KHDRBS3: variants seen among roughly 807,000 people sequenced by gnomAD.
KHDRBS3 encodes KH RNA binding domain containing, signal transduction associated 3.
Under a neutral mutation model 45.6 loss-of-function variants are expected in KHDRBS3, and 23 were observed. That is an observed-to-expected ratio of 0.50 (90% CI 0.36 to 0.72). The LOEUF (loss-of-function observed/expected upper bound fraction) is 0.72, where lower values mean the gene tolerates loss of function less well. Among genes scored for constraint, KHDRBS3 ranks in the 30% least tolerant of loss-of-function variants. The probability of loss-of-function intolerance (pLI) is 0.00; values close to 1 mark genes in which losing one functional copy is unlikely to be tolerated. For missense variants in KHDRBS3, 352 were observed against 424.8 expected (o/e 0.83, Z 1.51); for synonymous variants, 162 against 156.5 (o/e 1.04, Z -0.26).
At chr8:135,646,825 G>T (rs1017024252) in intron 8 of KHDRBS3, among the ~76,000 whole-genome samples, 168 bp from the exon 9 acceptor site, 4 of 152,120 alleles carry the variant, frequency 2.6e-5, no homozygotes, top group Admixed American at 2.6e-4. Context: ...CCTTGTGTTT[G>T]TAATTTATTT....
At chr8:135,573,888 C>T (rs1018134436) in intron 5 of KHDRBS3, among the ~76,000 whole-genome samples, 1 of 152,132 alleles carries the variant, frequency 6.6e-6, no homozygotes, top group African/African-American at 2.4e-5. Flanking sequence ...TGTAGACCAT[C>T]CATTAATCTG....
At chr8:135,559,140 G>A (rs1202700111) in intron 5 of KHDRBS3, among the ~76,000 whole-genome samples, 2 of 151,134 alleles carry the variant, frequency 1.3e-5, no homozygotes, top group Admixed American at 6.6e-5. Context: ...TTCTAGATAA[G>A]GTAATGTAAC....
chr8:135,607,994 T>C (rs530282503), intron 7 of KHDRBS3, among the ~76,000 whole-genome samples: 4 of 152,334 alleles, frequency 2.6e-5, no homozygotes, highest in African/African-American at 9.6e-5. Flanking sequence ...CTGGTCTTTG[T>C]TGGTGGAAGC....
chr8:135,524,980 A>G (rs1825107219), intron 2 of KHDRBS3, among the ~76,000 whole-genome samples: 1 of 152,070 alleles, frequency 6.6e-6, no homozygotes, highest in African/African-American at 2.4e-5. Context: ...ATCTCTGTCT[A>G]CTAATTTCTA....
intron 6 of KHDRBS3, among the ~76,000 whole-genome samples, chr8:135,584,527 A>G (rs1312492520): frequency 6.6e-6 from 1 of 152,226 alleles, no homozygotes; most frequent in Non-Finnish European, 1.5e-5. Flanking sequence ...TTTTAAGATT[A>G]CTAGTCAAGA....
At chr8:135,610,487 G>A (rs757681600) in intron 7 of KHDRBS3, among the ~76,000 whole-genome samples, 1 of 151,684 alleles carries the variant, frequency 6.6e-6, no homozygotes, top group Non-Finnish European at 1.5e-5. Context: ...TTTTGTGCTA[G>A]GCATTATGCT....
chr8:135,561,565 C>T (rs775929262), intron 5 of KHDRBS3, among the ~76,000 whole-genome samples: 1 of 150,710 alleles, frequency 6.6e-6, no homozygotes, highest in East Asian at 1.9e-4. Context: ...CATTCCCTTA[C>T]TGTAGTTCTC....
chr8:135,467,204 T>C (rs113831250), intron 1 of KHDRBS3, among the ~76,000 whole-genome samples: 99 of 152,266 alleles, frequency 6.5e-4, no homozygotes, highest in Non-Finnish European at 1.5e-4. Context: ...ATTTTTAACA[T>C]AGAATATATT....
chr8:135,564,619 GTC>G (rs1827316255), intron 5 of KHDRBS3, among the ~76,000 whole-genome samples: 1 of 152,136 alleles, frequency 6.6e-6, no homozygotes, highest in Non-Finnish European at 1.5e-5. Context: ...TACAGGCTGA[GTC>G]TCTGCTCATT....
intron 6 of KHDRBS3, among the ~76,000 whole-genome samples, chr8:135,601,064 A>G (rs867764318): frequency 3.5e-4 from 54 of 152,338 alleles, no homozygotes; most frequent in African/African-American, 1.2e-3. Flanking sequence ...ACTTTTGATC[A>G]TCTGATGAAT....
intron 5 of KHDRBS3, among the ~76,000 whole-genome samples, chr8:135,568,215 T>A (rs1287708951): frequency 6.6e-6 from 1 of 152,210 alleles, no homozygotes; most frequent in East Asian, 1.9e-4. Context: ...TTCTTTAAAA[T>A]TTTCAAAGCC....
intron 1 of KHDRBS3, among the ~76,000 whole-genome samples, chr8:135,482,449 G>T (rs973509737): frequency 1.3e-5 from 2 of 152,122 alleles, no homozygotes; most frequent in African/African-American, 4.8e-5. Context: ...GGTAGAATGA[G>T]CTCTTGGTTA....
intron 1 of KHDRBS3, among the ~76,000 whole-genome samples, chr8:135,512,927 T>C (rs191707491): frequency 6.6e-6 from 1 of 152,268 alleles, no homozygotes; most frequent in East Asian, 1.9e-4. Context: ...AATTAAGAGC[T>C]GGAGGCTAGG....
rs984945507 is a variant in KHDRBS3, at chr8:135,642,233, T to G, written c.891-2826T>G. On this transcript the variant is annotated intron_variant, in intron 7 of 8. Coordinates refer to ENST00000355849, the MANE Select transcript of KHDRBS3 (RefSeq NM_006558.3). ...ACCCGTGGTGAGCAAAAGCCACCTG[T>G]AGCATTTGTGTTCAGCACATAGCAG... Among the ~76,000 whole-genome samples, 13 of 152,382 alleles carry G rather than the reference T, an allele frequency of 8.5e-5. No individual in the cohort carries two copies. The East Asian group carries it at 2.5e-3, about 29-fold the overall frequency.
chr8:135,595,789 T>G (rs1828946024), intron 6 of KHDRBS3, among the ~76,000 whole-genome samples: 1 of 152,152 alleles, frequency 6.6e-6, no homozygotes, highest in Non-Finnish European at 1.5e-5. Context: ...CATGACTGAT[T>G]GAACGCTCAC....
chr8:135,490,509 C>T (rs1275160185), intron 1 of KHDRBS3, among the ~76,000 whole-genome samples: 8 of 152,054 alleles, frequency 5.3e-5, no homozygotes, highest in Admixed American at 2.6e-4. Flanking sequence ...AGTTTTTGTC[C>T]TCAAGTTTAA....
At position 135,582,137 on chromosome 8, in the gene KHDRBS3, G is replaced by T; in HGVS notation, c.807+64G>T. ...TTGACTTAATCCAGACTTAGCACTG[G>T]ATATTGTACCCGCGTACGCTTCCTC... On this transcript the variant is annotated intron_variant, in intron 6 of 8. Coordinates refer to ENST00000355849, the MANE Select transcript of KHDRBS3 (RefSeq NM_006558.3). The T allele has an allele frequency of 2.1e-6, 3 of 1,406,952 alleles. No individual in the cohort carries two copies. The South Asian group carries it at 5.6e-5, about 26-fold the overall frequency. 87.2% of individuals were successfully genotyped at this position (1,406,952 alleles called of 1,614,324 possible). A position where few individuals can be genotyped will look rare whatever the true frequency, so the allele number is the denominator to read the frequency against.
chr8:135,502,149 TG>T (rs1823768024), intron 1 of KHDRBS3, among the ~76,000 whole-genome samples: 1 of 152,222 alleles, frequency 6.6e-6, no homozygotes, highest in Admixed American at 6.5e-5. Context: ...GGTGCAGTTT[TG>T]TCTCTTTCCG....
chr8:135,617,940 A>T (rs891134138), intron 7 of KHDRBS3, among the ~76,000 whole-genome samples: 8 of 152,210 alleles, frequency 5.3e-5, no homozygotes, highest in Admixed American at 2.6e-4. Flanking sequence ...TTGAGGACAG[A>T]GCTCTAAGTT....
Sources: allele counts gnomAD v4.1 joint callset (sites outside exome capture counted in the v4.1 genomes callset), GRCh38; gene constraint gnomAD v4.1.1; transcripts MANE v1.5; gene names NCBI Gene and HGNC (gene_info 2026-07-23, HGNC 2026-07-21).